The following HSD17B7 variants were observed in gnomAD, a reference collection of about 807,000 sequenced individuals.
The protein encoded by HSD17B7 is 3-keto-steroid reductase/17-beta-hydroxysteroid dehydrogenase 7.
Under a neutral mutation model 34.1 loss-of-function variants are expected in HSD17B7, and 17 were observed. That is an observed-to-expected ratio of 0.50 (90% CI 0.34 to 0.75). The LOEUF (loss-of-function observed/expected upper bound fraction) is 0.75. HSD17B7 is among the 30% of genes least tolerant of loss of function. The probability of loss-of-function intolerance (pLI) is 0.01; values close to 1 mark genes in which losing one functional copy is unlikely to be tolerated. For synonymous variants in HSD17B7, 122 were observed against 154.6 expected, an observed-to-expected ratio of 0.79 and a Z score of 1.56; for missense variants, 296 against 406.6, an observed-to-expected ratio of 0.73 and a Z score of 2.34.
intron 7 of HSD17B7, 132 bp from the exon 8 acceptor site, chr1:162,805,262 T>G: frequency 7.5e-7 from 1 of 1,334,534 alleles, no homozygotes; most frequent in Non-Finnish European, 9.9e-7. Flanking sequence ...TGCCAAACCA[T>G]TCACTGATGA....
At chr1:162,807,562 A>G (rs1221109328) in intron 8 of HSD17B7, among the ~76,000 whole-genome samples, 4 of 152,136 alleles carry the variant, frequency 2.6e-5, no homozygotes, top group Admixed American at 1.3e-4. Context: ...GTCTTCCACA[A>G]TGGTTGAACT....
At chr1:162,804,927 G>A (rs1571006855) in intron 7 of HSD17B7, among the ~76,000 whole-genome samples, 2 of 152,204 alleles carry the variant, frequency 1.3e-5, no homozygotes, top group East Asian at 3.9e-4. Context: ...TCCAGAGGCA[G>A]CCTCTGCTAA....
Position 162,792,852 on chromosome 1 carries a change from C to T in HSD17B7, c.229C>T (p.Leu77Phe). 1 of 1,614,142 alleles carries T rather than the reference C, an allele frequency of 6.2e-7. No individual in the cohort carries two copies. Among genetic ancestry groups the T allele is most frequent in the South Asian group, 1.1e-5 (1 of 91,080 alleles). The change falls in exon 2 of 9, where the codon CTT (leucine) becomes TTT (phenylalanine). Residue 77 changes from leucine (L) to phenylalanine (F), a missense_variant. Leu to Phe is a conservative substitution (Grantham distance 22, BLOSUM62 0). Transcript: ENST00000254521. Reference sequence around the variant, plus strand: ...GTCGGTCTTCCGGGCCTCCAAGGAACTTAAGCAAAGGTATATCTCTTGCTG... The same window carrying T: ...GTCGGTCTTCCGGGCCTCCAAGGAATTTAAGCAAAGGTATATCTCTTGCTG... ...LQSVFRASKE[L>F]KQRFQRLDCI...
At chr1:162,807,898 A>G (rs2102237180) in intron 8 of HSD17B7, among the ~76,000 whole-genome samples, 1 of 152,052 alleles carries the variant, frequency 6.6e-6, no homozygotes, top group East Asian at 1.9e-4. Context: ...AGATTGCAAA[A>G]ATTTTCTCCC....
At chr1:162,803,049 A>G (rs1333814710) in intron 5 of HSD17B7, 2 of 172,628 alleles carry the variant, frequency 1.2e-5, no homozygotes, top group Non-Finnish European at 2.5e-5. Flanking sequence ...ACTGTACTCC[A>G]TACATCTTTT....
Position 162,811,609 on chromosome 1 carries a change from G to T in HSD17B7, c.904-689G>T, listed in dbSNP as rs555709933. 1.4e-4 allele frequency among the ~76,000 whole-genome samples: 22 copies of T among 152,336 alleles called. 2 individuals carry two copies. The South Asian group carries it at 2.1e-3, about 14-fold the overall frequency. On this transcript the variant is annotated intron_variant, in intron 8 of 8. Transcript: ENST00000254521. The stretch of plus-strand genomic sequence containing the variant: ...AGATAGAATCTTAAATTTCTTGCAT[G>T]TAAAAGCATTTAGGAGAGAGGCAGT...
intron 5 of HSD17B7, among the ~76,000 whole-genome samples, chr1:162,801,660 T>C (rs1648821156): frequency 6.6e-6 from 1 of 152,190 alleles, no homozygotes. Context: ...TGTGTGCATG[T>C]GTGTAGGTGT....
At chr1:162,793,290 C>T (rs1482340484) in intron 2 of HSD17B7, among the ~76,000 whole-genome samples, 2 of 152,230 alleles carry the variant, frequency 1.3e-5, no homozygotes, top group Non-Finnish European at 2.9e-5. Flanking sequence ...GCCTCGGCCT[C>T]CCAAAGTGCT....
At position 162,799,793 on chromosome 1, in the gene HSD17B7, C is replaced by T. The variant is rs756210576; in HGVS notation, c.498C>T (p.Leu166=). 11 of 1,613,944 alleles carry T rather than the reference C, an allele frequency of 6.8e-6. No homozygotes were observed. Among genetic ancestry groups the T allele is most frequent in the East Asian group, 4.5e-5 (2 of 44,884 alleles). The change falls in exon 5 of 9, where the codon CTC becomes CTT. Residue 166 remains leucine, a synonymous_variant. Transcript: ENST00000254521. ...LLCHSDNPSQ[L]IWTSSRSARK... ...GTCACAGTGACAATCCATCTCAGCTCATCTGGACATCATCTCGCAGTGCAA... is the reference window on the plus strand; with the variant it reads ...GTCACAGTGACAATCCATCTCAGCTTATCTGGACATCATCTCGCAGTGCAA...
intron 2 of HSD17B7, among the ~76,000 whole-genome samples, chr1:162,793,674 G>A (rs529192855): frequency 6.6e-6 from 1 of 152,220 alleles, no homozygotes; most frequent in African/African-American, 2.4e-5. Context: ...ACTGCCTTAC[G>A]TTAAGGTAAC....
intron 8 of HSD17B7, among the ~76,000 whole-genome samples, chr1:162,809,582 A>C (rs151280643): frequency 0.02 from 3,033 of 152,174 alleles, 42 homozygotes; most frequent in Non-Finnish European, 0.032. Flanking sequence ...TTCAGCTGTG[A>C]ATCCATCTGG....
Position 162,792,674 on chromosome 1 carries a change from C to A in HSD17B7, c.51C>A (p.Ala17=), listed in dbSNP as rs769239755. 14 of 1,612,920 alleles carry A rather than the reference C, an allele frequency of 8.7e-6. No homozygotes were observed. In the South Asian group the frequency reaches 1.4e-4, roughly 16 times the overall value. The part of the protein sequence containing the change: ...ITGASSGIGL[A]LCKRLLAEDD... ...GTCCTCCCAGTGGCATTGGCCTGGC[C>A]CTCTGCAAGCGGCTGCTGGCGGAAG... The change falls in exon 2 of 9, where the codon GCC becomes GCA. Residue 17 remains alanine, a synonymous_variant. Transcript: ENST00000254521.
chr1:162,801,686 G>A (rs564794751), intron 5 of HSD17B7, among the ~76,000 whole-genome samples: 1 of 152,268 alleles, frequency 6.6e-6, no homozygotes, highest in Admixed American at 6.5e-5. Flanking sequence ...CATGTGGGCT[G>A]CACATGCGTG....
At chr1:162,807,579 C>A (rs1057123278) in intron 8 of HSD17B7, among the ~76,000 whole-genome samples, 2 of 152,142 alleles carry the variant, frequency 1.3e-5, no homozygotes, top group Admixed American at 6.5e-5. Flanking sequence ...AACTAGTTTA[C>A]AGTCCCACCA....
At position 162,809,833 on chromosome 1, in the gene HSD17B7, C is replaced by T. The variant is rs568096204; in HGVS notation, c.904-2465C>T. On this transcript the variant is annotated intron_variant, in intron 8 of 8. Transcript: ENST00000254521. ...TTTTTATTGCGTCTATTTGATTCTT[C>T]TCTCTCTTCTTCTTTATTAGTCTTG... is the stretch of plus-strand genomic sequence containing the variant. 2.6e-5 allele frequency among the ~76,000 whole-genome samples: 4 copies of T among 151,946 alleles called. No homozygotes were observed. The South Asian group carries it at 8.3e-4, about 32-fold the overall frequency.
intron 8 of HSD17B7, among the ~76,000 whole-genome samples, chr1:162,809,784 C>G (rs923047840): frequency 2.0e-5 from 3 of 149,898 alleles, no homozygotes; most frequent in African/African-American, 7.3e-5. Context: ...CAGATGGGAT[C>G]GGTGGTGATA....
chr1:162,793,470 T>C (rs1476268079), intron 2 of HSD17B7, among the ~76,000 whole-genome samples: 1 of 152,214 alleles, frequency 6.6e-6, no homozygotes, highest in Non-Finnish European at 1.5e-5. Context: ...ACATTTTCAG[T>C]CTCAGTCATG....
At chr1:162,803,271 C>T in intron 5 of HSD17B7, 160 bp from the exon 6 acceptor site, 10 of 973,142 alleles carry the variant, frequency 1.0e-5, no homozygotes, top group Admixed American at 3.2e-5. Flanking sequence ...GATTCTTCAA[C>T]ATAAACGTTC....
At chr1:162,806,858 GCTTTCT>G (rs1479418093) in intron 8 of HSD17B7, among the ~76,000 whole-genome samples, 3 of 152,178 alleles carry the variant, frequency 2.0e-5, no homozygotes, top group Non-Finnish European at 2.9e-5. Context: ...GGGGAAGTCA[GCTTTCT>G]CTTCTGTTAA....
Sources: gnomAD v4.1 joint callset for allele counts (sites outside exome capture counted in the v4.1 genomes callset) on GRCh38, gnomAD v4.1.1 for gene constraint, MANE v1.5 for transcripts, NCBI Gene and HGNC (gene_info 2026-07-23, HGNC 2026-07-21) for gene names.